SLC27A6: variants seen among roughly 807,000 people sequenced by gnomAD.
The protein encoded by SLC27A6 is solute carrier family 27 member 6.
SLC27A6 carries 74 observed loss-of-function variants against 63.9 expected under a neutral mutation model. The ratio of observed to expected loss-of-function variants is 1.16; its 90% CI spans 0.96 to 1.40. The LOEUF (loss-of-function observed/expected upper bound fraction) is 1.40, where lower values mean the gene tolerates loss of function less well. Ranked by LOEUF, SLC27A6 falls within the 40% of genes most tolerant of loss-of-function variation. SLC27A6 has a pLI of 0.00. For missense variants in SLC27A6, 794 were observed against 732.9 expected (o/e 1.08, Z -0.96); for synonymous variants, 287 against 260.8 (o/e 1.10, Z -0.97).
At chr5:128,996,774 TGAA>T (rs71662484) in intron 4 of SLC27A6, among the ~76,000 whole-genome samples, 34,826 of 151,844 alleles carry the variant, frequency 0.23, 5,077 homozygotes, top group East Asian at 0.7. Context: ...GATATGGAAA[TGAA>T]GAAGATTCAG....
intron 1 of SLC27A6, among the ~76,000 whole-genome samples, chr5:128,976,276 A>C (rs2150129597): frequency 6.6e-6 from 1 of 152,316 alleles, no homozygotes; most frequent in South Asian, 2.1e-4. Flanking sequence ...TCAGAGGCCA[A>C]GGCAGGTGGA....
intron 1 of SLC27A6, among the ~76,000 whole-genome samples, chr5:128,979,890 G>T (rs1750525442): frequency 6.6e-6 from 1 of 152,116 alleles, no homozygotes; most frequent in South Asian, 2.1e-4. Flanking sequence ...AAAGACTTGT[G>T]CTTCTGTTAT....
At chr5:129,032,902 TTAAG>T (rs1197542997) in intron 9 of SLC27A6, among the ~76,000 whole-genome samples, 200 bp from the exon 10 acceptor site, 2 of 151,952 alleles carry the variant, frequency 1.3e-5, no homozygotes, top group African/African-American at 2.4e-5. Context: ...GAGTTTATAT[TTAAG>T]TAAAGTTTAC....
chr5:129,027,575 G>A (rs975511895), intron 7 of SLC27A6, among the ~76,000 whole-genome samples: 3 of 152,066 alleles, frequency 2.0e-5, no homozygotes, highest in Non-Finnish European at 4.4e-5. Context: ...TCCTTTTTAA[G>A]GAAATAAAAC....
chr5:129,024,006 T>C (rs907960700), intron 6 of SLC27A6, among the ~76,000 whole-genome samples: 2 of 152,126 alleles, frequency 1.3e-5, no homozygotes, highest in African/African-American at 4.8e-5. Flanking sequence ...TTATCTTTTT[T>C]ACCAAATATT....
At position 129,033,579 on chromosome 5, in the gene SLC27A6, G is replaced by A. The variant is rs1752477379; in HGVS notation, c.*297G>A. ...AGCGGTTTGGACAATCACTAAAAAT[G>A]TACTTTCTAATAAGTAAAATTTCTA... On this transcript the variant is annotated 3_prime_UTR_variant, in exon 10 of 10. Coordinates refer to ENST00000262462, the MANE Select transcript of SLC27A6 (RefSeq NM_001017372.3). 1 of 160,768 alleles carries A rather than the reference G, an allele frequency of 6.2e-6. No homozygotes were observed. The highest frequency in any genetic ancestry group is 1.4e-5 in the Non-Finnish European group (1 of 74,004). The allele number at this position is 160,768 out of a possible 1,614,324, so 10.0% of individuals were successfully genotyped here.
chr5:128,999,787 C>G (rs1489743404), intron 4 of SLC27A6, among the ~76,000 whole-genome samples: 1 of 152,108 alleles, frequency 6.6e-6, no homozygotes, highest in Non-Finnish European at 1.5e-5. Flanking sequence ...CTTCTCTGAC[C>G]TCAAGCTCCA....
intron 5 of SLC27A6, 36 bp from the exon 6 acceptor site, chr5:129,023,584 T>C: frequency 1.4e-6 from 2 of 1,464,214 alleles, no homozygotes; most frequent in African/African-American, 1.4e-5. Flanking sequence ...AGTAACTAAA[T>C]GCTTGTTTCT....
At chr5:129,029,491 C>G in intron 8 of SLC27A6, 86 bp from the exon 9 acceptor site, 1 of 838,190 alleles carries the variant, frequency 1.2e-6, no homozygotes, top group Non-Finnish European at 1.9e-6. Flanking sequence ...TTTAATGTCT[C>G]CATGTGTGCC....
chr5:128,990,316 G>A (rs1383180253), intron 3 of SLC27A6, 24 bp from the exon 4 acceptor site: 4 of 1,603,996 alleles, frequency 2.5e-6, no homozygotes, highest in Non-Finnish European at 3.4e-6. Flanking sequence ...TTTCCCTAGT[G>A]CCTGTTTTTG....
intron 1 of SLC27A6, among the ~76,000 whole-genome samples, chr5:128,976,565 T>C (rs1274915523): frequency 1.3e-5 from 2 of 152,180 alleles, no homozygotes; most frequent in Non-Finnish European, 1.5e-5. Context: ...CATTTATTTT[T>C]CCTCTGACTC....
chr5:128,975,076 C>T (rs191534277), intron 1 of SLC27A6, among the ~76,000 whole-genome samples: 6 of 152,304 alleles, frequency 3.9e-5, no homozygotes, highest in South Asian at 4.1e-4. Context: ...ACGGGCCAGG[C>T]GTGGTGGCTC....
chr5:128,972,744 ACCGGTCTTCTGAAG>A (rs1750224672), intron 1 of SLC27A6, among the ~76,000 whole-genome samples: 2 of 152,116 alleles, frequency 1.3e-5, no homozygotes, highest in Non-Finnish European at 2.9e-5. Flanking sequence ...GTTTGTTATT[ACCGGTCTTCTGAAG>A]CCTGCTTCTG....
At chr5:129,008,052 A>G (rs951884777) in intron 4 of SLC27A6, among the ~76,000 whole-genome samples, 2 of 151,960 alleles carry the variant, frequency 1.3e-5, no homozygotes, top group East Asian at 1.9e-4. Context: ...ATATAGTGAG[A>G]TTATATATTA....
At position 129,009,185 on chromosome 5, in the gene SLC27A6, C is replaced by A. The variant is rs115235620; in HGVS notation, c.970-6700C>A. On this transcript the variant is annotated intron_variant, in intron 4 of 9. Transcript: ENST00000262462. ...TCAATTGAATTTTTAAAAATCAAAACAGTACTTTTACACAGTTATAAAAAT... is the reference window on the plus strand; with the variant it reads ...TCAATTGAATTTTTAAAAATCAAAAAAGTACTTTTACACAGTTATAAAAAT... Among the ~76,000 whole-genome samples the A allele has an allele frequency of 2.7e-3, 417 of 152,226 alleles. 1 individual carries two copies. Among genetic ancestry groups the A allele is most frequent in the African/African-American group, 9.5e-3 (393 of 41,550 alleles).
chr5:129,025,704 T>C (rs1050217896), intron 6 of SLC27A6, among the ~76,000 whole-genome samples: 5 of 152,052 alleles, frequency 3.3e-5, no homozygotes, highest in African/African-American at 9.7e-5. Context: ...GGTGATATGA[T>C]GATATGATGG....
chr5:129,020,577 C>T (rs1196105818), intron 5 of SLC27A6, among the ~76,000 whole-genome samples: 1 of 151,998 alleles, frequency 6.6e-6, no homozygotes, highest in African/African-American at 2.4e-5. Context: ...TAAAATTTAC[C>T]ATCTAAACTT....
In SLC27A6 at chr5:129,015,941, T is replaced by C. The variant is rs1462497655; in HGVS notation, c.1026T>C (p.Ser342=). Residue 342 remains serine, a synonymous_variant, in exon 5 of 10, where the codon AGT becomes AGC. Coordinates refer to ENST00000262462, the MANE Select transcript of SLC27A6 (RefSeq NM_001017372.3). ...VRLAIGNGIR[S]DVWREFLDRF... is the part of the protein sequence containing the mutation. ...TGGCAATTGGAAATGGCATACGGAG[T>C]GATGTATGGAGAGAATTTTTAGACA... The C allele has an allele frequency of 6.2e-7, 1 of 1,601,178 alleles. No homozygotes were observed. Among genetic ancestry groups the C allele is most frequent in the Non-Finnish European group, 8.5e-7 (1 of 1,175,096 alleles).
rs567671022 is a variant in SLC27A6 at position 128,969,922 on chromosome 5, T to A, written c.481+3304T>A. ...GATTTGTCATAAATAGCTCTTATTA[T>A]TTTGAGATACATCCCATCAATACCT... On this transcript the variant is annotated intron_variant, in intron 1 of 9. Transcript: ENST00000262462. 3.9e-5 allele frequency among the ~76,000 whole-genome samples: 6 copies of A among 152,344 alleles called. No individual in the cohort carries two copies. In the South Asian group the frequency reaches 1.2e-3, roughly 32 times the overall value.
Sources: allele counts gnomAD v4.1 joint callset (sites outside exome capture counted in the v4.1 genomes callset), GRCh38; gene constraint gnomAD v4.1.1; transcripts MANE v1.5; gene names NCBI Gene and HGNC (gene_info 2026-07-23, HGNC 2026-07-21).